Variants in ARHGEF28 observed in about 807,000 individuals in gnomAD.
ARHGEF28 encodes 190 kDa guanine nucleotide exchange factor.
ARHGEF28 carries 152 observed loss-of-function variants against 206.6 expected under a neutral mutation model. That is an observed-to-expected ratio of 0.74 (90% CI 0.64 to 0.84). The LOEUF (loss-of-function observed/expected upper bound fraction) is 0.84. ARHGEF28 is among the 40% of genes least tolerant of loss of function. The pLI, the probability that ARHGEF28 is intolerant of heterozygous loss-of-function variation, is 0.00. For synonymous variants in ARHGEF28, 763 were observed against 776.4 expected, an observed-to-expected ratio of 0.98 and a Z score of 0.29; for missense variants, 2,028 against 2,073.2, an observed-to-expected ratio of 0.98 and a Z score of 0.42.
intron 4 of ARHGEF28, among the ~76,000 whole-genome samples, chr5:73,754,080 T>C (rs1225872746): frequency 6.6e-6 from 1 of 152,242 alleles, no homozygotes; most frequent in Non-Finnish European, 1.5e-5. Flanking sequence ...TTTTTTGCTA[T>C]CCTTCCTGTG....
chr5:73,773,378 C>G (rs745949009), intron 4 of ARHGEF28, among the ~76,000 whole-genome samples: 7 of 152,180 alleles, frequency 4.6e-5, no homozygotes, highest in African/African-American at 1.7e-4. Context: ...ATTTCTCTTG[C>G]GGCTTCTTAT....
At chr5:73,931,487 T>C (rs1764115182) in intron 35 of ARHGEF28, among the ~76,000 whole-genome samples, 1 of 152,198 alleles carries the variant, frequency 6.6e-6, no homozygotes, top group African/African-American at 2.4e-5. Flanking sequence ...GGACCTTTTA[T>C]ATCCTCTGAT....
chr5:73,826,784 C>A (rs1756938044), intron 9 of ARHGEF28, among the ~76,000 whole-genome samples: 2 of 152,196 alleles, frequency 1.3e-5, no homozygotes, highest in African/African-American at 4.8e-5. Context: ...TATTTACTTT[C>A]AATTGTCTCC....
intron 1 of ARHGEF28, among the ~76,000 whole-genome samples, chr5:73,675,597 G>T (rs1285378871): frequency 6.6e-6 from 1 of 151,792 alleles, no homozygotes; most frequent in East Asian, 1.9e-4. Flanking sequence ...GCTGGGCGTG[G>T]TGACGGGTGC....
chr5:73,794,358 CA>C, intron 7 of ARHGEF28, 43 bp from the exon 8 acceptor site: 1 of 1,509,770 alleles, frequency 6.6e-7, no homozygotes, highest in Non-Finnish European at 9.0e-7. Context: ...TTCTTCTTAA[CA>C]AAAGCTCCCA....
chr5:73,795,191 G>C (rs1754730197), intron 8 of ARHGEF28, 140 bp from the exon 9 acceptor site: 2 of 705,366 alleles, frequency 2.8e-6, no homozygotes, highest in Non-Finnish European at 4.7e-6. Flanking sequence ...TATAAGACTA[G>C]TTTTCTGTTT....
chr5:73,721,956 G>T (rs1415494371), intron 2 of ARHGEF28, among the ~76,000 whole-genome samples: 2 of 152,172 alleles, frequency 1.3e-5, no homozygotes, highest in African/African-American at 4.8e-5. Flanking sequence ...TGAGCTCAGT[G>T]TTGGCCCCAC....
chr5:73,771,481 G>T (rs966111129), intron 4 of ARHGEF28, among the ~76,000 whole-genome samples: 4 of 151,882 alleles, frequency 2.6e-5, no homozygotes, highest in African/African-American at 9.7e-5. Context: ...CTGGGAGGCA[G>T]AGGTTGCAGT....
chr5:73,839,324 A>G (rs938912212), intron 10 of ARHGEF28, among the ~76,000 whole-genome samples: 1 of 152,232 alleles, frequency 6.6e-6, no homozygotes, highest in Non-Finnish European at 1.5e-5. Flanking sequence ...ACTTTCACCC[A>G]TTAATTAAGC....
intron 2 of ARHGEF28, among the ~76,000 whole-genome samples, chr5:73,737,639 G>T (rs973049717): frequency 6.6e-6 from 1 of 150,854 alleles, no homozygotes; most frequent in East Asian, 1.9e-4. Context: ...AGCCTCCCAA[G>T]TAGCAGGGAT....
intron 1 of ARHGEF28, among the ~76,000 whole-genome samples, chr5:73,672,252 C>T (rs934512144): frequency 6.6e-5 from 10 of 152,118 alleles, no homozygotes; most frequent in Admixed American, 4.6e-4. Context: ...AGGCTGATGA[C>T]GTTTGCTCTT....
At chr5:73,932,800 C>CTTTTTTTTTTT (rs386404110) in intron 35 of ARHGEF28, among the ~76,000 whole-genome samples, 3 of 73,422 alleles carry the variant, frequency 4.1e-5, no homozygotes, top group African/African-American at 1.1e-4. Context: ...TTTCCTATTT[C>CTTTTTTTTTTT]TTTTTTTTTT....
chr5:73,668,712 G>T (rs1746122498), intron 1 of ARHGEF28, among the ~76,000 whole-genome samples: 1 of 69,308 alleles, frequency 1.4e-5, no homozygotes, highest in East Asian at 5.9e-4. Flanking sequence ...AGAGAGAGGT[G>T]GTGTTGTCTC....
Position 73,830,212 on chromosome 5 carries a change from G to GA in ARHGEF28, c.1025-2122dup, listed in dbSNP as rs529513932. On this transcript the variant is annotated intron_variant, in intron 9 of 35. Coordinates refer to ENST00000513042, the MANE Select transcript of ARHGEF28 (RefSeq NM_001177693.2). ...TATGTTTTTGAACCAAACTTATGGG[G>GA]AAAATTCTGATTTTCAGAGCTTTCT... Among the ~76,000 whole-genome samples, 17 of 152,278 alleles carry GA rather than the reference G, an allele frequency of 1.1e-4. No homozygotes were observed. The South Asian group carries it at 3.5e-3, about 32-fold the overall frequency.
chr5:73,834,131 TTA>T (rs1757463964), intron 10 of ARHGEF28, among the ~76,000 whole-genome samples: 1 of 152,226 alleles, frequency 6.6e-6, no homozygotes, highest in Non-Finnish European at 1.5e-5. Flanking sequence ...CATGTACATA[TTA>T]TGAGATAATT....
chr5:73,824,148 C>A (rs1029341678), intron 9 of ARHGEF28, among the ~76,000 whole-genome samples: 1 of 152,164 alleles, frequency 6.6e-6, no homozygotes, highest in African/African-American at 2.4e-5. Context: ...CTGATCATCC[C>A]ATTATTTTGT....
At chr5:73,711,750 T>C (rs572512765) in intron 2 of ARHGEF28, among the ~76,000 whole-genome samples, 3 of 151,884 alleles carry the variant, frequency 2.0e-5, no homozygotes, top group South Asian at 4.2e-4. Context: ...AATCTCTGTA[T>C]TTTTTTTGTA....
At chr5:73,816,253 A>G (rs1322877289) in intron 9 of ARHGEF28, among the ~76,000 whole-genome samples, 1 of 152,160 alleles carries the variant, frequency 6.6e-6, no homozygotes, top group Non-Finnish European at 1.5e-5. Context: ...AGTGGGAGAA[A>G]TATAAGGGAC....
At chr5:73,888,275 G>A (rs1372359859) in intron 26 of ARHGEF28, among the ~76,000 whole-genome samples, 1 of 152,234 alleles carries the variant, frequency 6.6e-6, no homozygotes, top group African/African-American at 2.4e-5. Flanking sequence ...TAAAGACAGT[G>A]TATGAAACTA....
Sources: gnomAD v4.1 joint callset for allele counts (sites outside exome capture counted in the v4.1 genomes callset) on GRCh38, gnomAD v4.1.1 for gene constraint, MANE v1.5 for transcripts, NCBI Gene and HGNC (gene_info 2026-07-23, HGNC 2026-07-21) for gene names.